Variants in RAB40C observed in about 807,000 individuals in gnomAD.
RAB40C encodes the protein ras-related protein Rab-40C.
Under a neutral mutation model 28.1 loss-of-function variants are expected in RAB40C, and 8 were observed. That is an observed-to-expected ratio of 0.28 (90% CI 0.17 to 0.51). The LOEUF (loss-of-function observed/expected upper bound fraction) is 0.51, where lower values mean the gene tolerates loss of function less well. RAB40C is among the 20% of genes least tolerant of loss of function. RAB40C has a pLI of 0.97. For missense variants in RAB40C, 288 were observed against 405.9 expected (o/e 0.71, Z 2.50); for synonymous variants, 201 against 171.7 (o/e 1.17, Z -1.34).
At chr16:623,515 A>G (rs750940856) in intron 3 of RAB40C, among the ~76,000 whole-genome samples, 27 of 151,970 alleles carry the variant, frequency 1.8e-4, no homozygotes, top group East Asian at 9.7e-4. Context: ...TTAGCCGGGC[A>G]TGGTGGCGGG....
rs146195336 is a variant in RAB40C, at chr16:608,330, C to T, written c.143-8878C>T. On this transcript the variant is annotated intron_variant, in intron 1 of 5. Coordinates refer to ENST00000248139, the MANE Select transcript of RAB40C (RefSeq NM_021168.5). ...TTTAATTATCTCCATCTGGCCCCGC[C>T]CTCAACCTGTGGGGATTAGTCAAGG... 5.4e-3 allele frequency among the ~76,000 whole-genome samples: 820 copies of T among 152,292 alleles called. 4 individuals carry two copies. Among genetic ancestry groups the T allele is most frequent in the Middle Eastern group, 0.01 (3 of 294 alleles).
At chr16:618,959 ATGTG>A (rs1410202134) in intron 3 of RAB40C, among the ~76,000 whole-genome samples, 1 of 88,076 alleles carries the variant, frequency 1.1e-5, no homozygotes, top group African/African-American at 5.3e-5. Context: ...ACTCAGGGCC[ATGTG>A]TGTGCAGGCA....
At position 624,575 on chromosome 16, in the gene RAB40C, A is replaced by T. The variant is rs144205704; in HGVS notation, c.265-857A>T. ...GGTTCTAAGAGGCTCTAAAAACCCT[A>T]ATTTTCAGATGGACAGTGCCCTCTT... On this transcript the variant is annotated intron_variant, in intron 3 of 5. Transcript: ENST00000248139. 7.8e-3 allele frequency: 7,650 copies of T among 985,326 alleles called. 31 individuals are homozygous for T. The highest frequency in any genetic ancestry group is 0.015 in the Middle Eastern group (29 of 1,914). 61.0% of individuals were successfully genotyped at this position (985,326 alleles called of 1,614,324 possible). A position where few individuals can be genotyped will look rare whatever the true frequency, so the allele number is the denominator to read the frequency against.
At chr16:609,889 G>A (rs555599342) in intron 1 of RAB40C, among the ~76,000 whole-genome samples, 1 of 152,284 alleles carries the variant, frequency 6.6e-6, no homozygotes, top group African/African-American at 2.4e-5. Context: ...GCTGAGGCAC[G>A]TCAGGATGTG....
intron 1 of RAB40C, among the ~76,000 whole-genome samples, chr16:607,214 C>T (rs896851068): frequency 2.6e-5 from 4 of 152,188 alleles, no homozygotes; most frequent in South Asian, 2.1e-4. Context: ...AAAACAAAGT[C>T]GCCTGGGCAC....
chr16:616,262 A>C (rs1442911397), intron 1 of RAB40C, among the ~76,000 whole-genome samples: 1 of 151,932 alleles, frequency 6.6e-6, no homozygotes, highest in Non-Finnish European at 1.5e-5. Context: ...TCTCAAAAAA[A>C]AAAAAAAATA....
chr16:590,462 TA>T, intron 1 of RAB40C, 29 bp downstream of exon 1: 1 of 1,532,434 alleles, frequency 6.5e-7, no homozygotes, highest in Non-Finnish European at 8.7e-7. Flanking sequence ...CGCGCGCTGC[TA>T]CGCGGGGCCC....
chr16:590,567 C>T, intron 1 of RAB40C, 134 bp downstream of exon 1: 9 of 1,160,282 alleles, frequency 7.8e-6, no homozygotes, highest in Non-Finnish European at 1.0e-5. Context: ...GGCTTCCAGA[C>T]TCGGTAGCTC....
At chr16:596,332 G>A (rs747285314) in intron 1 of RAB40C, 15 of 456,006 alleles carry the variant, frequency 3.3e-5, no homozygotes, top group South Asian at 2.3e-4. Context: ...AGCTGAGAAG[G>A]CGCGAAGCTG....
chr16:589,785 C>A (rs1354336189), upstream of RAB40C: 13 of 152,420 alleles, frequency 8.5e-5, no homozygotes, highest in East Asian at 2.5e-3. Flanking sequence ...ATGAGGCAGG[C>A]GTCCGCTGTC....
In RAB40C at chr16:611,104, G is replaced by A. The variant is rs115577242; in HGVS notation, c.143-6104G>A. The stretch of plus-strand genomic sequence containing the variant: ...GCGGAGCCTGCAGGATGGGTGGGAC[G>A]CAGACGTCCAGCGGGAGGAGCATCC... On this transcript the variant is annotated intron_variant, in intron 1 of 5. Coordinates refer to ENST00000248139, the MANE Select transcript of RAB40C (RefSeq NM_021168.5). 7.6e-3 allele frequency among the ~76,000 whole-genome samples: 1,165 copies of A among 152,340 alleles called. 19 individuals are homozygous for A. The highest frequency in any genetic ancestry group is 0.027 in the African/African-American group (1,102 of 41,578).
chr16:601,181 G>A (rs1248879416), intron 1 of RAB40C, among the ~76,000 whole-genome samples: 1 of 152,180 alleles, frequency 6.6e-6, no homozygotes, highest in African/African-American at 2.4e-5. Flanking sequence ...GAGCTGGTTT[G>A]ACTTTTAAAA....
chr16:593,695 G>C (rs1007242628), intron 1 of RAB40C, among the ~76,000 whole-genome samples: 2 of 152,224 alleles, frequency 1.3e-5, no homozygotes, highest in African/African-American at 4.8e-5. Context: ...AGGCAGTGGC[G>C]TGTGACCACA....
chr16:613,686 C>T (rs2036529058), intron 1 of RAB40C, among the ~76,000 whole-genome samples: 1 of 152,158 alleles, frequency 6.6e-6, no homozygotes, highest in Non-Finnish European at 1.5e-5. Flanking sequence ...GTATAATTTC[C>T]GTATTTTTTT....
At chr16:591,119 C>T (rs753579533) in intron 1 of RAB40C, among the ~76,000 whole-genome samples, 2 of 145,574 alleles carry the variant, frequency 1.4e-5, no homozygotes, top group South Asian at 2.2e-4. Flanking sequence ...ATCTGGGGTC[C>T]GAGGGAAGGT....
rs1303903822 is a variant in RAB40C, at chr16:625,998, A to G, written c.442A>G (p.Asn148Asp). 1 of 1,613,156 alleles carries G rather than the reference A, an allele frequency of 6.2e-7. No individual in the cohort carries two copies. Among genetic ancestry groups the G allele is most frequent in the Non-Finnish European group, 8.5e-7 (1 of 1,179,988 alleles). ...TEQARAYAEKNCMTFFEVSPL... is the reference protein window; with the variant it reads ...TEQARAYAEKDCMTFFEVSPL... ...GCAGGCCCGCGCGTACGCAGAGAAGAACTGCATGACCTTCTTTGAGGTCAG... is the reference window on the plus strand; with the variant it reads ...GCAGGCCCGCGCGTACGCAGAGAAGGACTGCATGACCTTCTTTGAGGTCAG... Residue 148 changes from asparagine (N) to aspartate (D), a missense_variant, in exon 5 of 6, where the codon AAC becomes GAC. Coordinates refer to ENST00000248139, the MANE Select transcript of RAB40C (RefSeq NM_021168.5).
At chr16:616,898 T>G (rs931622740) in intron 1 of RAB40C, 2 of 400,434 alleles carry the variant, frequency 5.0e-6, no homozygotes, top group African/African-American at 4.1e-5. Flanking sequence ...GAGGCCCCAT[T>G]CCAGGCAAGC....
In RAB40C at chr16:628,065, G is replaced by A. The variant is rs575942110; in HGVS notation, c.*443G>A. 2.6e-3 allele frequency: 412 copies of A among 159,148 alleles called. No homozygotes were observed. Among genetic ancestry groups the A allele is most frequent in the Non-Finnish European group, 4.6e-3 (339 of 72,936 alleles). 9.9% of individuals were successfully genotyped at this position (159,148 alleles called of 1,614,324 possible). On this transcript the variant is annotated 3_prime_UTR_variant, in exon 6 of 6. Transcript: ENST00000248139. Reference sequence around the variant, plus strand: ...TGGGACTCCTCGAGAGGGGACTCGCGGCCGCGATGGCAAGGCATCCTGTGA... The same window carrying A: ...TGGGACTCCTCGAGAGGGGACTCGCAGCCGCGATGGCAAGGCATCCTGTGA...
rs553190482 is a variant in RAB40C at position 603,435 on chromosome 16, C to T, written c.142+13002C>T. ...GAGTGGTATGCCGGAAGATTGAATG[C>T]GGAGCGCCGGCCCCGCACGTGAATG... On this transcript the variant is annotated intron_variant, in intron 1 of 5. Coordinates refer to ENST00000248139, the MANE Select transcript of RAB40C (RefSeq NM_021168.5). Among the ~76,000 whole-genome samples, 13 of 150,124 alleles carry T rather than the reference C, an allele frequency of 8.7e-5. No individual in the cohort carries two copies. In the South Asian group the frequency reaches 2.1e-3, roughly 24 times the overall value.
Sources: gnomAD v4.1 joint callset for allele counts (sites outside exome capture counted in the v4.1 genomes callset) on GRCh38, gnomAD v4.1.1 for gene constraint, MANE v1.5 for transcripts, NCBI Gene and HGNC (gene_info 2026-07-23, HGNC 2026-07-21) for gene names.